The following BCO1 variants were observed in gnomAD, a reference collection of about 807,000 sequenced individuals.
The protein encoded by BCO1 is beta-carotene oxygenase 1.
BCO1 carries 54 observed loss-of-function variants against 56.3 expected under a neutral mutation model. The observed-to-expected ratio is 0.96, with a 90% confidence interval of 0.77 to 1.20. The LOEUF (loss-of-function observed/expected upper bound fraction) is 1.20, where lower values mean the gene tolerates loss of function less well. BCO1 is among the 50% of genes most tolerant of loss of function. The pLI is 0.00. For synonymous variants in BCO1, 318 were observed against 266.1 expected (o/e 1.20, Z -1.90); for missense variants, 801 against 690.9 (o/e 1.16, Z -1.79).
At position 81,251,874 on chromosome 16, in the gene BCO1, A is replaced by ATG. The variant is rs56069135; in HGVS notation, c.193+6287_193+6288dup. Among the ~76,000 whole-genome samples, 147 of 146,750 alleles carry ATG rather than the reference A, an allele frequency of 1.0e-3. 1 individual carries two copies. The highest frequency in any genetic ancestry group is 3.5e-3 in the Middle Eastern group (1 of 286). ...CACGCACACACACACACACACATAT[A>ATG]TGTGTGTGTGTGTGTGTATATATAT... On this transcript the variant is annotated intron_variant, in intron 2 of 10. Coordinates refer to ENST00000258168, the MANE Select transcript of BCO1 (RefSeq NM_017429.3).
At chr16:81,287,841 A>G (rs979210053) in intron 10 of BCO1, among the ~76,000 whole-genome samples, 8 of 152,102 alleles carry the variant, frequency 5.3e-5, no homozygotes, top group Non-Finnish European at 1.0e-4. Context: ...ACGTATGACA[A>G]TACTCACCGA....
intron 2 of BCO1, among the ~76,000 whole-genome samples, chr16:81,252,011 GC>G (rs1360123885): frequency 6.6e-6 from 1 of 151,854 alleles, no homozygotes; most frequent in Non-Finnish European, 1.5e-5. Flanking sequence ...GGCTAATTGG[GC>G]TCTCCTGAAA....
chr16:81,249,798 T>G (rs1440585728), intron 2 of BCO1, among the ~76,000 whole-genome samples: 1 of 152,206 alleles, frequency 6.6e-6, no homozygotes, highest in Non-Finnish European at 1.5e-5. Context: ...CTCTTAGACC[T>G]AGGCCAGCGT....
At chr16:81,265,667 C>T (rs955567715) in intron 5 of BCO1, among the ~76,000 whole-genome samples, 3 of 149,734 alleles carry the variant, frequency 2.0e-5, no homozygotes, top group Admixed American at 6.6e-5. Context: ...ACCATCTACC[C>T]ATCCATCCGT....
intron 2 of BCO1, among the ~76,000 whole-genome samples, chr16:81,252,630 G>GCAACTGGGAGTTA (rs1419633619): frequency 6.6e-6 from 1 of 152,180 alleles, no homozygotes; most frequent in Non-Finnish European, 1.5e-5. Context: ...GTGACTCCCA[G>GCAACTGGGAGTTA]CAACAGTAAC....
chr16:81,290,152 C>T (rs1255061854), intron 10 of BCO1, among the ~76,000 whole-genome samples, 196 bp from the exon 11 acceptor site: 3 of 152,186 alleles, frequency 2.0e-5, no homozygotes, highest in Admixed American at 6.5e-5. Context: ...CGTGAGCCAC[C>T]GCGCCCGGCC....
rs145817254 is a variant in BCO1 at position 81,269,534 on chromosome 16, C to G, written c.844-625C>G. Among the ~76,000 whole-genome samples the G allele has an allele frequency of 3.6e-3, 551 of 152,186 alleles. 5 individuals carry two copies. Among genetic ancestry groups the G allele is most frequent in the African/African-American group, 0.013 (534 of 41,514 alleles). ...CTAGGCTGGAATGCAATGGCACATT[C>G]TTGGCTCACTGCACCCTCCACCTCC... is the stretch of plus-strand genomic sequence containing the variant. On this transcript the variant is annotated intron_variant, in intron 6 of 10. Coordinates refer to ENST00000258168, the MANE Select transcript of BCO1 (RefSeq NM_017429.3).
At chr16:81,269,834 C>T (rs1308382214) in intron 6 of BCO1, among the ~76,000 whole-genome samples, 1 of 152,196 alleles carries the variant, frequency 6.6e-6, no homozygotes, top group Non-Finnish European at 1.5e-5. Flanking sequence ...TGCCAGGGAG[C>T]TGGGATGTCA....
chr16:81,283,309 AATTACAGGC>A (rs1183942024), intron 8 of BCO1, among the ~76,000 whole-genome samples: 1 of 151,962 alleles, frequency 6.6e-6, no homozygotes, highest in Non-Finnish European at 1.5e-5. Context: ...GCGCAATGGC[AATTACAGGC>A]ATTACTCATG....
At chr16:81,281,065 G>A in intron 8 of BCO1, 103 bp downstream of exon 8, 1 of 831,566 alleles carries the variant, frequency 1.2e-6, no homozygotes, top group Non-Finnish European at 2.0e-6. Context: ...ATGGACAAGG[G>A]CCAAAAAGGA....
intron 2 of BCO1, among the ~76,000 whole-genome samples, chr16:81,256,473 C>T (rs149940783): frequency 1.3e-4 from 20 of 152,184 alleles, no homozygotes; most frequent in South Asian, 6.2e-4. Context: ...TACTATACCA[C>T]GAAAATGAAA....
chr16:81,260,711 G>A (rs758627656), intron 3 of BCO1, among the ~76,000 whole-genome samples: 1 of 152,148 alleles, frequency 6.6e-6, no homozygotes, highest in Admixed American at 6.6e-5. Flanking sequence ...GTTTCACCAT[G>A]TTGATCAGGC....
chr16:81,278,303 A>G (rs572356108), intron 7 of BCO1, among the ~76,000 whole-genome samples: 2 of 152,072 alleles, frequency 1.3e-5, no homozygotes, highest in African/African-American at 4.8e-5. Context: ...CGGCCTCCCA[A>G]AGTGCTGGGA....
intron 9 of BCO1, 79 bp downstream of exon 9, chr16:81,285,713 A>G: frequency 1.8e-6 from 2 of 1,118,556 alleles, no homozygotes; most frequent in Non-Finnish European, 2.7e-6. Flanking sequence ...AGGTTCTGAG[A>G]CGTTGATTAG....
chr16:81,242,361 C>A (rs542973237), intron 1 of BCO1, among the ~76,000 whole-genome samples: 1 of 152,012 alleles, frequency 6.6e-6, no homozygotes, highest in African/African-American at 2.4e-5. Context: ...CCACCACACC[C>A]AGCTAATTTT....
chr16:81,280,157 G>A (rs1291441513), intron 7 of BCO1, among the ~76,000 whole-genome samples: 1 of 151,424 alleles, frequency 6.6e-6, no homozygotes, highest in Non-Finnish European at 1.5e-5. Context: ...CAGCTACTCT[G>A]GAGGCTGAGG....
chr16:81,249,707 G>C (rs759434914), intron 2 of BCO1, among the ~76,000 whole-genome samples: 6 of 152,192 alleles, frequency 3.9e-5, no homozygotes, highest in Non-Finnish European at 7.3e-5. Flanking sequence ...GGCCGAGTCA[G>C]TTTTATTCAC....
chr16:81,289,743 C>A (rs1392982182), intron 10 of BCO1, among the ~76,000 whole-genome samples: 1 of 152,216 alleles, frequency 6.6e-6, no homozygotes, highest in African/African-American at 2.4e-5. Context: ...ATACTCTCGG[C>A]AACCCTGTGG....
intron 2 of BCO1, among the ~76,000 whole-genome samples, chr16:81,249,857 T>C (rs977992650): frequency 6.6e-6 from 1 of 152,164 alleles, no homozygotes; most frequent in Non-Finnish European, 1.5e-5. Context: ...TTTGCCAATC[T>C]GTGGCATAGG....
Sources: allele counts gnomAD v4.1 joint callset (sites outside exome capture counted in the v4.1 genomes callset), GRCh38; gene constraint gnomAD v4.1.1; transcripts MANE v1.5; gene names NCBI Gene and HGNC (gene_info 2026-07-23, HGNC 2026-07-21).